CACNA1D: variants seen among roughly 807,000 people sequenced by gnomAD.
The protein encoded by CACNA1D is voltage-dependent L-type calcium channel subunit alpha-1D.
Under a neutral mutation model 257.1 loss-of-function variants are expected in CACNA1D, and 55 were observed. The ratio of observed to expected loss-of-function variants is 0.21; its 90% CI spans 0.17 to 0.27. CACNA1D has a LOEUF of 0.27. CACNA1D is among the 10% of genes least tolerant of loss of function. CACNA1D has a pLI of 1.00. For missense variants in CACNA1D, 1,876 were observed against 2,784.0 expected (o/e 0.67, Z 7.34); for synonymous variants, 980 against 1,014.9 (o/e 0.97, Z 0.65).
At position 53,661,601 on chromosome 3, in the gene CACNA1D, G is replaced by A. The variant is rs117117664; in HGVS notation, c.766+1326G>A. Among the ~76,000 whole-genome samples, 540 of 152,278 alleles carry A rather than the reference G, an allele frequency of 3.5e-3. 9 individuals carry two copies. Among genetic ancestry groups the A allele is most frequent in the Admixed American group, 0.025 (380 of 15,298 alleles). On this transcript the variant is annotated intron_variant, in intron 5 of 47. Coordinates refer to ENST00000350061, the MANE Select transcript of CACNA1D (RefSeq NM_001128840.3). The stretch of plus-strand genomic sequence containing the variant: ...CTTAATCTAATTTCAAAGTAACCAC[G>A]ACAGCTTTTTCCCCCAAAGAGCAAA...
intron 3 of CACNA1D, among the ~76,000 whole-genome samples, chr3:53,545,565 A>G (rs1334792120): frequency 6.6e-6 from 1 of 152,230 alleles, no homozygotes; most frequent in Non-Finnish European, 1.5e-5. Context: ...GCAGTAATTT[A>G]TGGGCTTCTG....
intron 3 of CACNA1D, among the ~76,000 whole-genome samples, chr3:53,611,693 T>A (rs1381399880): frequency 6.6e-6 from 1 of 152,240 alleles, no homozygotes; most frequent in Non-Finnish European, 1.5e-5. Flanking sequence ...TTCATCATTT[T>A]AAAAACCAAT....
rs529134858 is a variant in CACNA1D, at chr3:53,538,376, C to T, written c.483+36656C>T. The stretch of plus-strand genomic sequence containing the variant: ...TTCACTGTGTTGCCCAGGCTGGTCT[C>T]AAACTCCTCACCTCAAGTGATCCGT... On this transcript the variant is annotated intron_variant, in intron 3 of 47. Transcript: ENST00000350061. Among the ~76,000 whole-genome samples, 7 of 152,118 alleles carry T rather than the reference C, an allele frequency of 4.6e-5. No individual in the cohort carries two copies. In the South Asian group the frequency reaches 1.5e-3, roughly 32 times the overall value.
At chr3:53,735,538 C>T (rs1249392347) in intron 20 of CACNA1D, 35 bp downstream of exon 20, 5 of 1,611,926 alleles carry the variant, frequency 3.1e-6, no homozygotes, top group South Asian at 1.1e-5. Context: ...TCTGGGATAG[C>T]CCTGGCCTCT....
At chr3:53,636,552 C>T (rs1238662948) in intron 3 of CACNA1D, among the ~76,000 whole-genome samples, 2 of 152,236 alleles carry the variant, frequency 1.3e-5, no homozygotes, top group Non-Finnish European at 2.9e-5. Flanking sequence ...GCAGTCCGGC[C>T]TGCCTTGGCC....
intron 3 of CACNA1D, among the ~76,000 whole-genome samples, chr3:53,648,829 A>C (rs909647601): frequency 2.0e-5 from 3 of 146,752 alleles, no homozygotes; most frequent in African/African-American, 5.0e-5. Flanking sequence ...TAACTCTCAA[A>C]ACACACACAC....
intron 30 of CACNA1D, among the ~76,000 whole-genome samples, chr3:53,764,523 G>A (rs1046695120): frequency 2.6e-5 from 4 of 152,210 alleles, no homozygotes; most frequent in African/African-American, 9.6e-5. Flanking sequence ...ACCAGGATGT[G>A]GCCAAGGTCT....
intron 8 of CACNA1D, among the ~76,000 whole-genome samples, chr3:53,696,062 C>T (rs1423610709): frequency 6.6e-6 from 1 of 152,188 alleles, no homozygotes; most frequent in Admixed American, 6.5e-5. Context: ...CTCCCAGGCT[C>T]GGGTGATCCT....
chr3:53,769,995 C>G lies in CACNA1D; in HGVS notation c.3893C>G (p.Pro1298Arg). ...EADPTESENVPVPTATPGNSE... is the reference protein window; with the variant it reads ...EADPTESENVRVPTATPGNSE... ...AAGCCAACTGAAAGTGAAAATGTCC[C>G]TGTCCCAACTGCTACACCTGGGGTA... Residue 1298 changes from proline to arginine, a missense_variant, in exon 31 of 48, where the codon CCT becomes CGT. Pro to Arg is a moderately radical substitution (Grantham distance 103, BLOSUM62 -2). Around this residue, in one of 10 missense-constraint regions of CACNA1D, gnomAD observed 204 missense variants for 309.4 expected, o/e 0.66. Coordinates refer to ENST00000350061, the MANE Select transcript of CACNA1D (RefSeq NM_001128840.3). 6.2e-7 allele frequency: 1 copy of G among 1,613,378 alleles called. No homozygotes were observed. Among genetic ancestry groups the G allele is most frequent in the South Asian group, 1.1e-5 (1 of 91,064 alleles).
intron 3 of CACNA1D, among the ~76,000 whole-genome samples, chr3:53,530,631 C>T (rs962841181): frequency 6.6e-6 from 1 of 152,188 alleles, no homozygotes; most frequent in African/African-American, 2.4e-5. Context: ...CCACTGTTGT[C>T]ACCACTTCCA....
At chr3:53,748,967 C>G (rs370844483) in intron 26 of CACNA1D, 5 of 493,080 alleles carry the variant, frequency 1.0e-5, no homozygotes, top group East Asian at 4.0e-5. Context: ...GTGTCTTACA[C>G]GTGATATTCT....
intron 1 of CACNA1D, among the ~76,000 whole-genome samples, chr3:53,496,489 G>A (rs1191872074): frequency 6.6e-6 from 1 of 152,188 alleles, no homozygotes; most frequent in Non-Finnish European, 1.5e-5. Flanking sequence ...CCCTAAAGAT[G>A]TTTTCTGTTT....
intron 3 of CACNA1D, among the ~76,000 whole-genome samples, chr3:53,647,079 T>C (rs541716014): frequency 6.6e-6 from 1 of 151,068 alleles, no homozygotes; most frequent in Admixed American, 6.6e-5. Flanking sequence ...GAATTAGATT[T>C]CAGCCTTTGT....
intron 3 of CACNA1D, among the ~76,000 whole-genome samples, chr3:53,618,554 A>T (rs1186263888): frequency 6.6e-6 from 1 of 152,104 alleles, no homozygotes. Flanking sequence ...CCACACTCAC[A>T]CTGCAGCCTC....
At chr3:53,534,871 C>G (rs754714553) in intron 3 of CACNA1D, among the ~76,000 whole-genome samples, 1 of 152,208 alleles carries the variant, frequency 6.6e-6, no homozygotes, top group African/African-American at 2.4e-5. Context: ...TGTCCACTCA[C>G]GCCAGCTCCC....
intron 8 of CACNA1D, among the ~76,000 whole-genome samples, chr3:53,700,297 T>C (rs1054026153): frequency 5.3e-5 from 8 of 152,060 alleles, no homozygotes; most frequent in African/African-American, 1.9e-4. Flanking sequence ...AAGTTCGGAA[T>C]CAAAACATGC....
At chr3:53,555,277 A>G (rs2092616980) in intron 3 of CACNA1D, among the ~76,000 whole-genome samples, 1 of 152,168 alleles carries the variant, frequency 6.6e-6, no homozygotes, top group South Asian at 2.1e-4. Flanking sequence ...GTATTTTACA[A>G]AGCTGTGGAA....
chr3:53,666,236 CG>C, intron 6 of CACNA1D, 102 bp from the exon 7 acceptor site: 2 of 1,029,996 alleles, frequency 1.9e-6, no homozygotes, highest in Non-Finnish European at 3.1e-6. Flanking sequence ...GCAGATGGGG[CG>C]GTAGGGTGTC....
chr3:53,804,938 G>A (rs1217846826), intron 44 of CACNA1D, 45 bp from the exon 45 acceptor site: 1 of 1,583,286 alleles, frequency 6.3e-7, no homozygotes, highest in Non-Finnish European at 8.7e-7. Flanking sequence ...TTGAGTGACA[G>A]AGCTTGTTAC....
Sources: gnomAD v4.1 joint callset for allele counts (sites outside exome capture counted in the v4.1 genomes callset) on GRCh38, gnomAD v4.1.1 for gene constraint, gnomAD v4.1.1 regional missense constraint, MANE v1.5 for transcripts, NCBI Gene and HGNC (gene_info 2026-07-23, HGNC 2026-07-21) for gene names.